Variants in ARFGEF3 observed in about 807,000 individuals in gnomAD.
The protein encoded by ARFGEF3 is brefeldin A-inhibited guanine nucleotide-exchange protein 3.
Under a neutral mutation model 221.7 loss-of-function variants are expected in ARFGEF3, and 96 were observed. The observed-to-expected ratio is 0.43, with a 90% CI of 0.37 to 0.51. The LOEUF is 0.51. Among genes scored for constraint, ARFGEF3 ranks in the 20% least tolerant of loss-of-function variants. ARFGEF3 has a pLI of 0.00. For missense variants in ARFGEF3, 2,410 were observed against 2,789.9 expected, an observed-to-expected ratio of 0.86 and a Z score of 3.07; for synonymous variants, 1,145 against 1,126.8, an observed-to-expected ratio of 1.02 and a Z score of -0.32.
intron 4 of ARFGEF3, among the ~76,000 whole-genome samples, chr6:138,225,839 A>G (rs1425141347): frequency 6.6e-6 from 1 of 152,260 alleles, no homozygotes; most frequent in East Asian, 1.9e-4. Context: ...AATAGCTACC[A>G]TGAACTACAT....
chr6:138,333,580 C>T (rs1447828861), intron 32 of ARFGEF3, among the ~76,000 whole-genome samples: 3 of 152,222 alleles, frequency 2.0e-5, no homozygotes, highest in East Asian at 1.9e-4. Context: ...TAAGCTGGGA[C>T]TACAGGTGCC....
intron 31 of ARFGEF3, among the ~76,000 whole-genome samples, chr6:138,327,642 C>T (rs976590509): frequency 6.6e-5 from 10 of 152,224 alleles, no homozygotes; most frequent in African/African-American, 2.4e-4. Flanking sequence ...ACTCCTTTTT[C>T]ATCCCTGTGT....
chr6:138,309,469 A>G (rs1398638584), intron 24 of ARFGEF3, among the ~76,000 whole-genome samples: 1 of 152,236 alleles, frequency 6.6e-6, no homozygotes, highest in Non-Finnish European at 1.5e-5. Flanking sequence ...GGTAGGAGGA[A>G]TTCTTAACTT....
intron 12 of ARFGEF3, among the ~76,000 whole-genome samples, chr6:138,272,259 G>A (rs1044252093): frequency 2.0e-5 from 3 of 152,138 alleles, no homozygotes; most frequent in African/African-American, 7.2e-5. Context: ...GGGTTCAAGC[G>A]ATTCTCCTGC....
At chr6:138,307,122 G>T in intron 22 of ARFGEF3, 131 bp from the exon 23 acceptor site, 3 of 849,844 alleles carry the variant, frequency 3.5e-6, no homozygotes, top group Middle Eastern at 3.6e-4. Context: ...GAGTGAGTTT[G>T]TCTATTCTGG....
intron 2 of ARFGEF3, among the ~76,000 whole-genome samples, chr6:138,193,457 C>T (rs1304058969): frequency 6.6e-6 from 1 of 152,186 alleles, no homozygotes; most frequent in African/African-American, 2.4e-5. Context: ...TCCATATAGG[C>T]AGGAACCGTG....
At position 138,255,700 on chromosome 6, in the gene ARFGEF3, C is replaced by T. The variant is rs1778663735; in HGVS notation, c.1035C>T (p.Ser345=). The part of the protein sequence containing the change: ...SVDSMKPVLQ[S]LYHRVLLYPP... ...ACTCCATGAAGCCCGTGCTCCAGTC[C>T]CTCTACCACCGAGTGCTGCTCTACC... The change falls in exon 10 of 34, where the codon TCC becomes TCT. Residue 345 remains serine (S), a synonymous_variant. Coordinates refer to ENST00000251691, the MANE Select transcript of ARFGEF3 (RefSeq NM_020340.5). 1 of 1,612,226 alleles carries T rather than the reference C, an allele frequency of 6.2e-7. No individual in the cohort carries two copies. Among genetic ancestry groups the T allele is most frequent in the Non-Finnish European group, 8.5e-7 (1 of 1,178,934 alleles).
intron 2 of ARFGEF3, among the ~76,000 whole-genome samples, chr6:138,191,860 G>C (rs1465433490): frequency 6.6e-6 from 1 of 151,924 alleles, no homozygotes; most frequent in Non-Finnish European, 1.5e-5. Context: ...TTCAGCGCTG[G>C]GTCCTTCTAT....
intron 12 of ARFGEF3, among the ~76,000 whole-genome samples, chr6:138,274,501 A>G (rs909412699): frequency 3.3e-5 from 5 of 152,160 alleles, no homozygotes; most frequent in African/African-American, 1.2e-4. Flanking sequence ...TCTTCCTTTT[A>G]AAATGCACCT....
chr6:138,279,951 A>G lies in ARFGEF3; in HGVS notation c.2296-48A>G, dbSNP rs758640015. 16 of 1,583,852 alleles carry G rather than the reference A, an allele frequency of 1.0e-5. No homozygotes were observed. The Admixed American group carries it at 1.5e-4, about 15-fold the overall frequency. On this transcript the variant is annotated intron_variant, in intron 13 of 33. Coordinates refer to ENST00000251691, the MANE Select transcript of ARFGEF3 (RefSeq NM_020340.5). ...CAGCAGAGGCACTTAGGAGCCTGTT[A>G]GTGAGCAGGGTGTTATGTGGTCACC...
chr6:138,168,334 A>G (rs1473162094), intron 1 of ARFGEF3, among the ~76,000 whole-genome samples: 1 of 152,212 alleles, frequency 6.6e-6, no homozygotes, highest in African/African-American at 2.4e-5. Flanking sequence ...TTCACGGAAA[A>G]CCTTACTAAA....
intron 4 of ARFGEF3, among the ~76,000 whole-genome samples, chr6:138,228,225 GGA>G (rs1486455966): frequency 6.5e-5 from 9 of 137,922 alleles, no homozygotes; most frequent in Non-Finnish European, 1.4e-4. Flanking sequence ...CACCCAGGCT[GGA>G]GTGAAACAGT....
rs144334850 is a variant in ARFGEF3 at position 138,175,138 on chromosome 6, T to C, written c.137+4425T>C. ...GTCACTGATGAAATGCTCACTCTTA[T>C]TGTTGATGTGGTGAGCAACAAGGGT... On this transcript the variant is annotated intron_variant, in intron 2 of 33. Transcript: ENST00000251691. Among the ~76,000 whole-genome samples the C allele has an allele frequency of 2.9e-3, 448 of 152,362 alleles. 4 individuals carry two copies. Among genetic ancestry groups the C allele is most frequent in the Middle Eastern group, 0.027 (8 of 294 alleles).
At chr6:138,269,638 G>A (rs1055806673) in intron 12 of ARFGEF3, among the ~76,000 whole-genome samples, 4 of 152,052 alleles carry the variant, frequency 2.6e-5, no homozygotes, top group East Asian at 1.9e-4. Flanking sequence ...GAGAAACCCC[G>A]TCTGTACTAA....
chr6:138,262,248 G>A (rs907061020), intron 11 of ARFGEF3, among the ~76,000 whole-genome samples: 1 of 148,080 alleles, frequency 6.8e-6, no homozygotes, highest in African/African-American at 2.5e-5. Flanking sequence ...GGAGTGCAGT[G>A]GCACGATCTC....
chr6:138,301,487 T>C (rs537146262), intron 22 of ARFGEF3, among the ~76,000 whole-genome samples: 3 of 152,282 alleles, frequency 2.0e-5, no homozygotes, highest in South Asian at 4.2e-4. Flanking sequence ...GAGAAGACCA[T>C]TGGCTTGTCA....
chr6:138,243,066 A>AGGGGT, intron 7 of ARFGEF3, 72 bp downstream of exon 7: 1 of 1,196,254 alleles, frequency 8.4e-7, no homozygotes, highest in Non-Finnish European at 1.2e-6. Context: ...GCTTGGAGTG[A>AGGGGT]GGGGTACAAA....
chr6:138,225,026 T>TGGTA (rs1202833581), intron 4 of ARFGEF3, among the ~76,000 whole-genome samples: 1 of 152,158 alleles, frequency 6.6e-6, no homozygotes, highest in East Asian at 1.9e-4. Flanking sequence ...AGTGGTAGGA[T>TGGTA]GGTACCCAGG....
chr6:138,296,127 T>C (rs1365207629), intron 20 of ARFGEF3, among the ~76,000 whole-genome samples: 1 of 152,096 alleles, frequency 6.6e-6, no homozygotes, highest in Non-Finnish European at 1.5e-5. Context: ...CCCCGCCCTC[T>C]TGGCAAAGAA....
Sources: allele counts gnomAD v4.1 joint callset (sites outside exome capture counted in the v4.1 genomes callset), GRCh38; gene constraint gnomAD v4.1.1; transcripts MANE v1.5; gene names NCBI Gene and HGNC (gene_info 2026-07-23, HGNC 2026-07-21).